Variants in DOP1A observed in about 807,000 individuals in gnomAD.
DOP1A encodes the protein protein DOP1A.
A neutral mutation model predicts 267.6 loss-of-function variants in DOP1A; 90 were observed. The ratio of observed to expected loss-of-function variants is 0.34; its 90% confidence interval spans 0.28 to 0.40. The LOEUF (loss-of-function observed/expected upper bound fraction) is 0.40. DOP1A is among the 10% of genes least tolerant of loss of function. The pLI is 1.00. For missense variants in DOP1A, 2,437 were observed against 2,900.4 expected (o/e 0.84, Z 3.67); for synonymous variants, 932 against 999.1 (o/e 0.93, Z 1.27).
intron 4 of DOP1A, 136 bp downstream of exon 4, chr6:83,101,022 TTTG>T (rs895012761): frequency 1.9e-6 from 1 of 518,172 alleles, no homozygotes; most frequent in Non-Finnish European, 2.9e-6. Context: ...CAATCTTTGT[TTTG>T]TTTTGTTTGA....
intron 1 of DOP1A, among the ~76,000 whole-genome samples, chr6:83,076,366 CA>C (rs1767091064): frequency 2.6e-5 from 4 of 152,090 alleles, no homozygotes; most frequent in Admixed American, 2.6e-4. Context: ...TACTAAAATA[CA>C]AAAAATTAGC....
At chr6:83,093,030 G>C (rs1770744857) in intron 1 of DOP1A, among the ~76,000 whole-genome samples, 1 of 152,156 alleles carries the variant, frequency 6.6e-6, no homozygotes, top group Non-Finnish European at 1.5e-5. Context: ...AAGAAGTACT[G>C]TATGACTGTG....
In DOP1A at chr6:83,140,089, A is replaced by C; in HGVS notation, c.5210A>C (p.Asp1737Ala). ...ITAIIHYCLL[D>A]PTTQYHQLLV... ...GCCATTATCCATTACTGTTTGTTGG[A>C]TCCAACTACACAGTATCACCAAGTA... The change falls in exon 22 of 39, where the codon GAT (aspartate) becomes GCT (alanine). Residue 1737 changes from aspartate (D) to alanine (A), a missense_variant. By Grantham distance (126) the Asp-to-Ala change is moderately radical. This residue lies in a region of DOP1A where 307 missense variants were observed against 308.6 expected (regional missense o/e 0.99). Transcript: ENST00000349129. The C allele has an allele frequency of 6.2e-7, 1 of 1,613,252 alleles. No homozygotes were observed. Among genetic ancestry groups the C allele is most frequent in the South Asian group, 1.1e-5 (1 of 91,046 alleles).
intron 11 of DOP1A, among the ~76,000 whole-genome samples, chr6:83,122,280 T>C (rs763889994): frequency 6.6e-6 from 1 of 151,798 alleles, no homozygotes; most frequent in Non-Finnish European, 1.5e-5. Context: ...GAGGAGGAAA[T>C]AGGTAATAGG....
chr6:83,067,980 G>A (rs1784960996), intron 1 of DOP1A, among the ~76,000 whole-genome samples: 1 of 152,208 alleles, frequency 6.6e-6, no homozygotes, highest in African/African-American at 2.4e-5. Context: ...CGGGAGCTGC[G>A]CGGGGACTGG....
intron 1 of DOP1A, among the ~76,000 whole-genome samples, chr6:83,070,957 A>G (rs1275954033): frequency 2.0e-5 from 3 of 152,250 alleles, no homozygotes; most frequent in Non-Finnish European, 4.4e-5. Context: ...TTTAAAGGAA[A>G]CTTGGAATAA....
chr6:83,152,296 T>C lies in DOP1A; in HGVS notation c.6058T>C (p.Ser2020Pro), dbSNP rs1456330230. 2 of 1,562,298 alleles carry C rather than the reference T, an allele frequency of 1.3e-6. No individual in the cohort carries two copies. Among genetic ancestry groups the C allele is most frequent in the African/African-American group, 1.4e-5 (1 of 72,394 alleles). Residue 2020 changes from serine (S) to proline (P), a missense_variant, in exon 30 of 39, where the codon TCA becomes CCA. Physicochemically the swap from Ser to Pro is moderately conservative, Grantham distance 74 (BLOSUM62 -1). Around this residue, in one of 9 missense-constraint regions of DOP1A, gnomAD observed 216 missense variants for 283.3 expected, o/e 0.76. Coordinates refer to ENST00000349129, the MANE Select transcript of DOP1A (RefSeq NM_015018.4). ...NLESDVEDML[S>P]PAMETANITP... is the part of the protein sequence containing the mutation. ...TTTTCTCTTATTTATAGATATGTTATCACCTGCAATGGAAACCGCAAACAT... is the reference window on the plus strand; with the variant it reads ...TTTTCTCTTATTTATAGATATGTTACCACCTGCAATGGAAACCGCAAACAT...
rs1375571946 is a variant in DOP1A at position 83,121,526 on chromosome 6, T to A, written c.1100-404T>A. On this transcript the variant is annotated intron_variant, in intron 10 of 38. Transcript: ENST00000349129. ...TAGCAGTAATTACAAGTAGCTTTTG[T>A]TGAATACTTATTATATTCTAGAAAC... 2.0e-5 allele frequency among the ~76,000 whole-genome samples: 3 copies of A among 151,768 alleles called. No homozygotes were observed. In the East Asian group the frequency reaches 5.8e-4, roughly 29 times the overall value.
At chr6:83,169,459 ACCTT>A, downstream of DOP1A, 2 of 1,020,380 alleles carry the variant, frequency 2.0e-6, no homozygotes, top group Non-Finnish European at 2.8e-6. Context: ...TCTAATGAAA[ACCTT>A]TTTTCATCTT....
At chr6:83,121,895 T>C in intron 10 of DOP1A, 35 bp from the exon 11 acceptor site, 1 of 1,581,272 alleles carries the variant, frequency 6.3e-7, no homozygotes, top group Non-Finnish European at 8.6e-7. Context: ...CTCATGCTGA[T>C]TAATTACTGT....
At chr6:83,135,957 G>T in intron 20 of DOP1A, 79 bp downstream of exon 20, 1 of 1,490,190 alleles carries the variant, frequency 6.7e-7, no homozygotes, top group Non-Finnish European at 9.0e-7. Flanking sequence ...AGTAATTGTT[G>T]AAAGAACTGC....
chr6:83,093,493 A>G (rs558166296), intron 1 of DOP1A, among the ~76,000 whole-genome samples: 1 of 152,334 alleles, frequency 6.6e-6, no homozygotes, highest in South Asian at 2.1e-4. Flanking sequence ...TTGTTAAAAA[A>G]CTATTGTTTG....
In DOP1A at chr6:83,075,228, C is replaced by T. The variant is rs540006770; in HGVS notation, c.-147+7449C>T. 2.6e-5 allele frequency among the ~76,000 whole-genome samples: 4 copies of T among 152,234 alleles called. No individual in the cohort carries two copies. In the South Asian group the frequency reaches 8.3e-4, roughly 32 times the overall value. On this transcript the variant is annotated intron_variant, in intron 1 of 38. Coordinates refer to ENST00000349129, the MANE Select transcript of DOP1A (RefSeq NM_015018.4). ...CAACTGAGAATATTCTATTGTCATT[C>T]AATTTTTATAATGTTTATTGACTGT... is the stretch of plus-strand genomic sequence containing the variant.
intron 38 of DOP1A, among the ~76,000 whole-genome samples, chr6:83,164,083 G>A (rs1290925778): frequency 6.8e-6 from 1 of 147,490 alleles, no homozygotes; most frequent in Non-Finnish European, 1.5e-5. Context: ...GAGTGATCTA[G>A]GTTGTCTGGT....
At chr6:83,071,049 A>G (rs962823403) in intron 1 of DOP1A, among the ~76,000 whole-genome samples, 4 of 152,238 alleles carry the variant, frequency 2.6e-5, no homozygotes, top group African/African-American at 7.2e-5. Flanking sequence ...AAGTCCCCTT[A>G]ATTTCTAACT....
intron 26 of DOP1A, among the ~76,000 whole-genome samples, chr6:83,148,010 A>G (rs995799217): frequency 6.6e-6 from 1 of 152,242 alleles, no homozygotes; most frequent in Non-Finnish European, 1.5e-5. Context: ...AGACCAGGCT[A>G]GGGAGTACAT....
intron 1 of DOP1A, among the ~76,000 whole-genome samples, chr6:83,094,063 C>T (rs1371651436): frequency 2.6e-5 from 4 of 152,092 alleles, no homozygotes; most frequent in African/African-American, 9.7e-5. Context: ...CATTTCCCAC[C>T]AATTCCTCTT....
At chr6:83,097,757 GT>G (rs906624188) in intron 3 of DOP1A, among the ~76,000 whole-genome samples, 5 of 151,328 alleles carry the variant, frequency 3.3e-5, no homozygotes, top group African/African-American at 7.3e-5. Context: ...CATAGTTAAG[GT>G]TTTTTTTAAA....
chr6:83,148,581 A>C (rs1236549754), intron 26 of DOP1A, among the ~76,000 whole-genome samples, 178 bp from the exon 27 acceptor site: 1 of 152,234 alleles, frequency 6.6e-6, no homozygotes, highest in East Asian at 1.9e-4. Context: ...TTTTAAAAAA[A>C]AGAAAGAAAT....
Sources: allele counts gnomAD v4.1 joint callset (sites outside exome capture counted in the v4.1 genomes callset), GRCh38; gene constraint gnomAD v4.1.1; regional missense constraint gnomAD v4.1.1; transcripts MANE v1.5; gene names NCBI Gene and HGNC (gene_info 2026-07-23, HGNC 2026-07-21).